Variants in KCNIP4 observed in about 807,000 individuals in gnomAD.
The protein encoded by KCNIP4 is Kv channel-interacting protein 4.
Under a neutral mutation model 34.0 loss-of-function variants are expected in KCNIP4, and 12 were observed. The ratio of observed to expected loss-of-function variants is 0.35; its 90% confidence interval spans 0.23 to 0.57. KCNIP4 has a LOEUF of 0.57. KCNIP4 is among the 20% of genes least tolerant of loss of function. The pLI is 0.83. For synonymous variants in KCNIP4, 124 were observed against 102.2 expected (o/e 1.21, Z -1.29); for missense variants, 238 against 311.7 (o/e 0.76, Z 1.78).
At chr4:20,971,328 T>C (rs1426324334) in intron 1 of KCNIP4, among the ~76,000 whole-genome samples, 1 of 152,156 alleles carries the variant, frequency 6.6e-6, no homozygotes, top group Non-Finnish European at 1.5e-5. Context: ...AAAAAGCATG[T>C]TGATTTAAAA....
rs549237089 is a variant in KCNIP4, at chr4:21,700,024, G to A, written c.61+248547C>T. ...TTTGGTACACTGAATAGGGACATGA[G>A]GGAAAGAAAAGAATTAAGAATGAAT... On this transcript the variant is annotated intron_variant, in intron 1 of 8. Coordinates refer to ENST00000382152, the MANE Select transcript of KCNIP4 (RefSeq NM_025221.6). Among the ~76,000 whole-genome samples, 7 of 152,188 alleles carry A rather than the reference G, an allele frequency of 4.6e-5. No individual in the cohort carries two copies. In the East Asian group the frequency reaches 1.4e-3, roughly 29 times the overall value.
At chr4:21,629,624 A>G (rs1399171855) in intron 1 of KCNIP4, among the ~76,000 whole-genome samples, 1 of 152,132 alleles carries the variant, frequency 6.6e-6, no homozygotes, top group African/African-American at 2.4e-5. Flanking sequence ...TAGAAATAAA[A>G]CTGCATGATG....
intron 1 of KCNIP4, among the ~76,000 whole-genome samples, chr4:21,861,075 G>A (rs1725048088): frequency 6.6e-6 from 1 of 152,154 alleles, no homozygotes; most frequent in African/African-American, 2.4e-5. Flanking sequence ...TAAAGATTGA[G>A]TATTTTGTCA....
At chr4:21,292,531 T>G (rs1763589010) in intron 1 of KCNIP4, among the ~76,000 whole-genome samples, 1 of 152,158 alleles carries the variant, frequency 6.6e-6, no homozygotes, top group Admixed American at 6.5e-5. Flanking sequence ...AGTGTTCTTT[T>G]AAAACTATGA....
At chr4:21,103,230 T>C (rs1748110430) in intron 1 of KCNIP4, among the ~76,000 whole-genome samples, 1 of 150,506 alleles carries the variant, frequency 6.6e-6, no homozygotes, top group Admixed American at 6.7e-5. Context: ...TTCAGTTTCT[T>C]GATCCATCAA....
intron 1 of KCNIP4, among the ~76,000 whole-genome samples, chr4:21,488,604 A>G (rs1215693966): frequency 6.6e-6 from 1 of 152,166 alleles, no homozygotes; most frequent in African/African-American, 2.4e-5. Context: ...GAAGATATTT[A>G]CATTTAGGAT....
rs566079334 is a variant in KCNIP4 at position 21,025,270 on chromosome 4, C to T, written c.62-142561G>A. Among the ~76,000 whole-genome samples, 17 of 152,194 alleles carry T rather than the reference C, an allele frequency of 1.1e-4. No individual in the cohort carries two copies. In the South Asian group the frequency reaches 1.2e-3, roughly 11 times the overall value. ...GAGAAGGTAGGTCCAGCTCAGATGC[C>T]TGCTCAGGTGGTCAGAACTCAGGAG... On this transcript the variant is annotated intron_variant, in intron 1 of 8. Transcript: ENST00000382152.
At chr4:21,121,055 C>G (rs116750996) in intron 1 of KCNIP4, among the ~76,000 whole-genome samples, 2,848 of 152,204 alleles carry the variant, frequency 0.019, 52 homozygotes, top group Non-Finnish European at 0.026. Context: ...ACTAGCTTCT[C>G]GAAGAATACA....
chr4:20,810,470 AG>A (rs1289809659), intron 3 of KCNIP4, among the ~76,000 whole-genome samples: 1 of 151,676 alleles, frequency 6.6e-6, no homozygotes, highest in Admixed American at 6.6e-5. Context: ...GGGGGGAGAG[AG>A]AGAGAGAGAC....
chr4:21,378,564 G>A (rs1721186216), intron 1 of KCNIP4, among the ~76,000 whole-genome samples: 1 of 152,126 alleles, frequency 6.6e-6, no homozygotes, highest in African/African-American at 2.4e-5. Context: ...TGCTCTGAAA[G>A]AATTCCTCTC....
intron 1 of KCNIP4, among the ~76,000 whole-genome samples, chr4:21,169,043 G>A (rs566784929): frequency 6.6e-6 from 1 of 152,220 alleles, no homozygotes; most frequent in South Asian, 2.1e-4. Flanking sequence ...TGCATTCACA[G>A]GTACATTTAT....
intron 1 of KCNIP4, among the ~76,000 whole-genome samples, chr4:20,916,687 T>C (rs747885657): frequency 2.0e-5 from 3 of 151,926 alleles, no homozygotes; most frequent in African/African-American, 7.3e-5. Context: ...AAAATCTTTT[T>C]CCCTCCCCCG....
intron 1 of KCNIP4, among the ~76,000 whole-genome samples, chr4:20,885,910 T>C (rs1445270415): frequency 6.6e-6 from 1 of 152,222 alleles, no homozygotes; most frequent in Non-Finnish European, 1.5e-5. Flanking sequence ...TAATGCCTGT[T>C]CATCCTTCAG....
intron 1 of KCNIP4, among the ~76,000 whole-genome samples, chr4:21,486,961 CT>C (rs1731976847): frequency 6.6e-6 from 1 of 151,762 alleles, no homozygotes; most frequent in South Asian, 2.1e-4. Context: ...TCACACCTGG[CT>C]AATTTTTTTT....
intron 1 of KCNIP4, among the ~76,000 whole-genome samples, chr4:21,460,766 A>G (rs1729399203): frequency 6.6e-6 from 1 of 152,052 alleles, no homozygotes; most frequent in Non-Finnish European, 1.5e-5. Flanking sequence ...GTAACTTTAG[A>G]GAATGTCATG....
intron 1 of KCNIP4, among the ~76,000 whole-genome samples, chr4:21,222,685 A>G (rs1215339835): frequency 6.6e-6 from 1 of 152,168 alleles, no homozygotes; most frequent in Non-Finnish European, 1.5e-5. Flanking sequence ...GTCTTCCCTG[A>G]CTTTCAATTT....
At chr4:21,809,188 G>A (rs1470311353) in intron 1 of KCNIP4, among the ~76,000 whole-genome samples, 1 of 152,138 alleles carries the variant, frequency 6.6e-6, no homozygotes, top group East Asian at 1.9e-4. Flanking sequence ...AATGTGGGTA[G>A]GCATTAATCA....
rs575933062 is a variant in KCNIP4, at chr4:21,798,812, T to C, written c.61+149759A>G. Reference sequence around the variant, plus strand: ...GCATATGAAACAAAAAAGGTAAAGATAGAAAAAGCTACCCTGCTTCAAAAT... The same window carrying C: ...GCATATGAAACAAAAAAGGTAAAGACAGAAAAAGCTACCCTGCTTCAAAAT... On this transcript the variant is annotated intron_variant, in intron 1 of 8. Transcript: ENST00000382152. Among the ~76,000 whole-genome samples, 38 of 152,210 alleles carry C rather than the reference T, an allele frequency of 2.5e-4. No individual in the cohort carries two copies. In the South Asian group the frequency reaches 7.3e-3, roughly 29 times the overall value.
intron 1 of KCNIP4, among the ~76,000 whole-genome samples, chr4:21,155,563 A>G (rs2109259939): frequency 6.6e-6 from 1 of 152,278 alleles, no homozygotes; most frequent in South Asian, 2.1e-4. Flanking sequence ...TTCATTAGTT[A>G]ATAAAGAGCT....
Sources: allele counts gnomAD v4.1 joint callset (sites outside exome capture counted in the v4.1 genomes callset), GRCh38; gene constraint gnomAD v4.1.1; transcripts MANE v1.5; gene names NCBI Gene and HGNC (gene_info 2026-07-23, HGNC 2026-07-21).